PATJ: variants seen among roughly 807,000 people sequenced by gnomAD.
PATJ encodes the protein inaD-like protein.
Under a neutral mutation model 224.9 loss-of-function variants are expected in PATJ, and 190 were observed. That is an observed-to-expected ratio of 0.84 (90% CI 0.75 to 0.95). PATJ has a LOEUF of 0.95. Among genes scored for constraint, PATJ ranks in the 40% least tolerant of loss-of-function variants. PATJ has a pLI of 0.00. For missense variants in PATJ, 2,121 were observed against 2,270.3 expected, an observed-to-expected ratio of 0.93 and a Z score of 1.34; for synonymous variants, 769 against 820.3, an observed-to-expected ratio of 0.94 and a Z score of 1.07.
chr1:61,798,069 A>C (rs1271545835), intron 11 of PATJ, among the ~76,000 whole-genome samples: 3 of 152,096 alleles, frequency 2.0e-5, no homozygotes, highest in Non-Finnish European at 2.9e-5. Flanking sequence ...GTCTTCCAAC[A>C]TGCTGTAATT....
intron 29 of PATJ, among the ~76,000 whole-genome samples, chr1:62,031,149 C>G (rs1311184418): frequency 6.6e-6 from 1 of 152,184 alleles, no homozygotes; most frequent in Non-Finnish European, 1.5e-5. Context: ...TTACTGAGCC[C>G]TCTGTTCACC....
At chr1:62,056,324 G>A (rs1654524654) in intron 31 of PATJ, among the ~76,000 whole-genome samples, 1 of 152,190 alleles carries the variant, frequency 6.6e-6, no homozygotes, top group African/African-American at 2.4e-5. Context: ...TAGTTATATA[G>A]TAGTATCATT....
chr1:62,111,111 T>C (rs968512329), intron 34 of PATJ, among the ~76,000 whole-genome samples: 7 of 152,218 alleles, frequency 4.6e-5, no homozygotes, highest in Admixed American at 2.0e-4. Flanking sequence ...GAAATTGCTT[T>C]GTAATATTAG....
At chr1:61,789,393 A>T (rs934180204) in intron 8 of PATJ, among the ~76,000 whole-genome samples, 1 of 152,172 alleles carries the variant, frequency 6.6e-6, no homozygotes, top group Non-Finnish European at 1.5e-5. Context: ...TTATGGTGGA[A>T]AAGGGTGGAA....
intron 18 of PATJ, among the ~76,000 whole-genome samples, chr1:61,860,162 A>G (rs1313590503): frequency 2.6e-5 from 4 of 152,180 alleles, no homozygotes; most frequent in Admixed American, 2.6e-4. Flanking sequence ...AACCTAGGTG[A>G]CAGGTTGATA....
chr1:62,120,801 T>C (rs1409572717), intron 37 of PATJ: 1 of 180,074 alleles, frequency 5.6e-6, no homozygotes, highest in African/African-American at 2.3e-5. Flanking sequence ...GTAATAAAGT[T>C]GACTGTAACC....
intron 33 of PATJ, among the ~76,000 whole-genome samples, chr1:62,104,735 G>A (rs976550076): frequency 1.3e-5 from 2 of 152,086 alleles, no homozygotes; most frequent in African/African-American, 2.4e-5. Flanking sequence ...AGTGTGGTGT[G>A]ATCTCAGCTC....
intron 14 of PATJ, among the ~76,000 whole-genome samples, chr1:61,818,656 T>C (rs372802660): frequency 1.3e-4 from 20 of 152,222 alleles, no homozygotes; most frequent in African/African-American, 4.6e-4. Flanking sequence ...TTCATAAGCA[T>C]TGTTTCTGGT....
intron 25 of PATJ, among the ~76,000 whole-genome samples, chr1:61,911,707 A>G (rs1048497046): frequency 5.4e-5 from 8 of 147,132 alleles, no homozygotes; most frequent in Non-Finnish European, 1.2e-4. Context: ...ATATATATAT[A>G]TATATATATA....
At chr1:61,949,215 T>TA (rs766673205) in intron 27 of PATJ, among the ~76,000 whole-genome samples, 26 of 145,406 alleles carry the variant, frequency 1.8e-4, no homozygotes, top group South Asian at 4.4e-4. Context: ...AGTATAATAA[T>TA]AAAAAAAAAG....
At chr1:61,933,152 C>T (rs1194559284) in intron 27 of PATJ, among the ~76,000 whole-genome samples, 1 of 152,060 alleles carries the variant, frequency 6.6e-6, no homozygotes, top group Non-Finnish European at 1.5e-5. Flanking sequence ...TGCATCAATG[C>T]GTAGCTCTTG....
intron 26 of PATJ, among the ~76,000 whole-genome samples, chr1:61,924,916 A>G (rs1674881765): frequency 1.8e-5 from 1 of 55,912 alleles, no homozygotes; most frequent in African/African-American, 9.5e-5. Context: ...TTCTTGTACA[A>G]AAAGACAGAC....
intron 16 of PATJ, among the ~76,000 whole-genome samples, chr1:61,828,441 GCA>G (rs946742046): frequency 6.6e-6 from 1 of 150,522 alleles, no homozygotes; most frequent in Admixed American, 6.6e-5. Flanking sequence ...CCAGGCTGGA[GCA>G]CAGTGTTTTG....
At chr1:61,938,338 T>C (rs1001081264) in intron 27 of PATJ, among the ~76,000 whole-genome samples, 1 of 152,054 alleles carries the variant, frequency 6.6e-6, no homozygotes, top group Non-Finnish European at 1.5e-5. Flanking sequence ...TTCTTGATTA[T>C]AAACATTGTT....
chr1:61,796,502 T>G (rs1302304694), intron 10 of PATJ, among the ~76,000 whole-genome samples: 11 of 152,190 alleles, frequency 7.2e-5, no homozygotes, highest in Admixed American at 1.3e-4. Flanking sequence ...GCATTTTGAA[T>G]TTTGAATTGC....
chr1:62,003,817 G>A (rs1259689870), intron 28 of PATJ, among the ~76,000 whole-genome samples: 2 of 152,176 alleles, frequency 1.3e-5, no homozygotes, highest in East Asian at 3.9e-4. Flanking sequence ...TGGAAAGTGG[G>A]CATCTTCTTC....
At chr1:61,760,121 T>C (rs1261587094) in intron 1 of PATJ, among the ~76,000 whole-genome samples, 4 of 152,218 alleles carry the variant, frequency 2.6e-5, no homozygotes, top group African/African-American at 9.7e-5. Context: ...CCTTTTGTTA[T>C]TCACAGTTAC....
chr1:61,994,229 G>A (rs376120623), intron 28 of PATJ, among the ~76,000 whole-genome samples: 1 of 152,190 alleles, frequency 6.6e-6, no homozygotes, highest in East Asian at 1.9e-4. Context: ...TGAACAAAGT[G>A]TAGATTCTCT....
intron 37 of PATJ, chr1:62,117,503 AT>A (rs1343467057): frequency 1.4e-5 from 12 of 843,318 alleles, no homozygotes; most frequent in South Asian, 4.5e-5. Flanking sequence ...AGCTGTGTTT[AT>A]TTAAAAAAAA....
Sources: gnomAD v4.1 joint callset for allele counts (sites outside exome capture counted in the v4.1 genomes callset) on GRCh38, gnomAD v4.1.1 for gene constraint, MANE v1.5 for transcripts, NCBI Gene and HGNC (gene_info 2026-07-23, HGNC 2026-07-21) for gene names.